SLC2A13: variants seen among roughly 807,000 people sequenced by gnomAD.
The protein encoded by SLC2A13 is proton myo-inositol cotransporter.
In SLC2A13, 32 loss-of-function variants were observed where a neutral mutation model predicts 64.4. The observed-to-expected ratio is 0.50, with a 90% CI of 0.37 to 0.67. The LOEUF (loss-of-function observed/expected upper bound fraction) is 0.67. SLC2A13 is among the 30% of genes least tolerant of loss of function. The pLI is 0.00. For missense variants in SLC2A13, 743 were observed against 829.2 expected, an observed-to-expected ratio of 0.90 and a Z score of 1.28; for synonymous variants, 338 against 327.1, an observed-to-expected ratio of 1.03 and a Z score of -0.36.
Position 40,020,376 on chromosome 12 carries a change from C to T in SLC2A13, c.925+7925G>A, listed in dbSNP as rs183118702. On this transcript the variant is annotated intron_variant, in intron 3 of 9. Transcript: ENST00000280871. ...GTGAGTGAGTTCTCACGAGCTCTGA[C>T]GGTTTAAAACTGTGTGACTTTCTTC... Among the ~76,000 whole-genome samples the T allele has an allele frequency of 8.8e-4, 134 of 152,246 alleles. 2 individuals are homozygous for T. The highest frequency in any genetic ancestry group is 2.6e-3 in the African/African-American group (108 of 41,538).
At chr12:39,776,295 G>A (rs1292858942) in intron 7 of SLC2A13, among the ~76,000 whole-genome samples, 3 of 151,788 alleles carry the variant, frequency 2.0e-5, no homozygotes, top group South Asian at 2.1e-4. Flanking sequence ...CTTAGGAGCT[G>A]TGGGGCCCAC....
intron 4 of SLC2A13, among the ~76,000 whole-genome samples, chr12:39,900,102 T>A (rs1413022501): frequency 6.6e-6 from 1 of 152,108 alleles, no homozygotes; most frequent in South Asian, 2.1e-4. Flanking sequence ...CATGATTATC[T>A]CAATAGAGGC....
intron 4 of SLC2A13, among the ~76,000 whole-genome samples, chr12:39,882,386 T>C (rs781572835): frequency 1.2e-4 from 19 of 152,176 alleles, no homozygotes; most frequent in Non-Finnish European, 2.6e-4. Flanking sequence ...CGTTCATCAT[T>C]CTCAAATCCC....
At chr12:39,820,535 G>A (rs140979993) in intron 7 of SLC2A13, among the ~76,000 whole-genome samples, 69 of 152,144 alleles carry the variant, frequency 4.5e-4, no homozygotes, top group African/African-American at 1.6e-3. Flanking sequence ...AACCAAGAGA[G>A]TAGGAAGGAC....
At chr12:40,091,618 T>C (rs2082628961) in intron 1 of SLC2A13, among the ~76,000 whole-genome samples, 1 of 152,160 alleles carries the variant, frequency 6.6e-6, no homozygotes, top group African/African-American at 2.4e-5. Context: ...ACTACGAAAA[T>C]TTCAAAATGT....
chr12:39,859,647 C>T (rs1337085784), intron 6 of SLC2A13, among the ~76,000 whole-genome samples: 6 of 152,052 alleles, frequency 3.9e-5, no homozygotes, highest in African/African-American at 1.4e-4. Flanking sequence ...CTCAGCTTCC[C>T]GAGTAGCTGG....
intron 3 of SLC2A13, among the ~76,000 whole-genome samples, chr12:39,973,715 A>G (rs1319734): frequency 0.31 from 47,306 of 151,882 alleles, 8,056 homozygotes; most frequent in Non-Finnish European, 0.38. Flanking sequence ...TTTCCCTCAC[A>G]CCTGTCTGTT....
intron 2 of SLC2A13, among the ~76,000 whole-genome samples, chr12:40,046,110 A>G (rs577273742): frequency 1.3e-5 from 2 of 152,342 alleles, no homozygotes; most frequent in Admixed American, 1.3e-4. Context: ...CTTTACATAT[A>G]ATAAGTAATT....
chr12:39,761,016 CT>C (rs1003182827), intron 9 of SLC2A13, among the ~76,000 whole-genome samples: 3 of 88,922 alleles, frequency 3.4e-5, no homozygotes, highest in African/African-American at 1.2e-4. Flanking sequence ...TATACTTGTA[CT>C]TTTGATGGTG....
chr12:40,046,224 T>A (rs1948169335), intron 2 of SLC2A13, among the ~76,000 whole-genome samples: 1 of 152,310 alleles, frequency 6.6e-6, no homozygotes, highest in Non-Finnish European at 1.5e-5. Flanking sequence ...TAATCAATGG[T>A]AAAAAACAGA....
chr12:40,049,653 T>A (rs958376313), intron 1 of SLC2A13, among the ~76,000 whole-genome samples: 3 of 152,152 alleles, frequency 2.0e-5, no homozygotes, highest in South Asian at 4.1e-4. Flanking sequence ...ACCCAAACTC[T>A]CTCCTAATGC....
At position 39,756,639 on chromosome 12, in the gene SLC2A13, G is replaced by T. The variant is rs908340112; in HGVS notation, c.*3387C>A. ...ATTCTTCCATTTCCACCAACTTCTG[G>T]ATCTGTGAGTTATTCTAATATATTT... On this transcript the variant is annotated 3_prime_UTR_variant, in exon 10 of 10. Transcript: ENST00000280871. 11 of 151,572 alleles carry T rather than the reference G, an allele frequency of 7.3e-5. No individual in the cohort carries two copies. Among genetic ancestry groups the T allele is most frequent in the Non-Finnish European group, 1.5e-4 (10 of 67,628 alleles). 9.4% of individuals were successfully genotyped at this position (151,572 alleles called of 1,614,324 possible).
intron 3 of SLC2A13, among the ~76,000 whole-genome samples, chr12:39,955,651 G>T (rs1172341970): frequency 6.6e-6 from 1 of 151,982 alleles, no homozygotes; most frequent in Non-Finnish European, 1.5e-5. Context: ...AACTTTGTAG[G>T]TATAATTAAG....
intron 4 of SLC2A13, among the ~76,000 whole-genome samples, chr12:39,947,789 T>C (rs1946162899): frequency 6.6e-6 from 1 of 151,012 alleles, no homozygotes; most frequent in East Asian, 2.0e-4. Context: ...GCCTCCCGAG[T>C]AGCTGGGACT....
intron 1 of SLC2A13, among the ~76,000 whole-genome samples, chr12:40,094,917 C>A (rs2136300989): frequency 6.6e-6 from 1 of 152,274 alleles, no homozygotes; most frequent in Non-Finnish European, 1.5e-5. Context: ...TCTATAGAAA[C>A]AGGAAGAAGA....
chr12:39,761,572 T>A (rs1940147491), intron 9 of SLC2A13, among the ~76,000 whole-genome samples: 1 of 151,834 alleles, frequency 6.6e-6, no homozygotes. Context: ...TTAATTGGGA[T>A]GTTTTTACAA....
At chr12:39,860,251 G>A (rs970138829) in intron 6 of SLC2A13, among the ~76,000 whole-genome samples, 2 of 152,162 alleles carry the variant, frequency 1.3e-5, no homozygotes, top group African/African-American at 4.8e-5. Flanking sequence ...AAGATGAAAG[G>A]CTTGAATTAG....
chr12:39,908,903 T>C (rs371532893), intron 4 of SLC2A13, among the ~76,000 whole-genome samples: 1 of 151,980 alleles, frequency 6.6e-6, no homozygotes. Flanking sequence ...GCTGGTAATA[T>C]GGCCTGAACA....
Position 40,068,830 on chromosome 12 carries a change from G to GTT in SLC2A13, c.557-20622_557-20621dup, listed in dbSNP as rs373453524. Among the ~76,000 whole-genome samples the GTT allele has an allele frequency of 4.1e-5, 6 of 147,532 alleles. No homozygotes were observed. The Admixed American group carries it at 4.1e-4, about 10-fold the overall frequency. On this transcript the variant is annotated intron_variant, in intron 1 of 9. Transcript: ENST00000280871. ...TAATTAACTTAATATGAGATCTCTTGTTTTTTTTTTCTCATCCACTCACTG... is the reference window on the plus strand; with the variant it reads ...TAATTAACTTAATATGAGATCTCTTGTTTTTTTTTTTTCTCATCCACTCACTG...
Sources: gnomAD v4.1 joint callset for allele counts (sites outside exome capture counted in the v4.1 genomes callset) on GRCh38, gnomAD v4.1.1 for gene constraint, MANE v1.5 for transcripts, NCBI Gene and HGNC (gene_info 2026-07-23, HGNC 2026-07-21) for gene names.